Variants in GHR observed in about 807,000 individuals in gnomAD.
The protein encoded by GHR is GH receptor.
GHR carries 35 observed loss-of-function variants against 67.1 expected under a neutral mutation model. The ratio of observed to expected loss-of-function variants is 0.52; its 90% CI spans 0.40 to 0.69. The LOEUF (loss-of-function observed/expected upper bound fraction) is 0.69, where lower values mean the gene tolerates loss of function less well. Ranked by LOEUF, GHR falls within the 30% of genes least tolerant of loss-of-function variation. The pLI is 0.00. For synonymous variants in GHR, 272 were observed against 269.1 expected (o/e 1.01, Z -0.10); for missense variants, 792 against 764.6 (o/e 1.04, Z -0.42).
At chr5:42,435,183 G>A (rs1417467514) in intron 1 of GHR, among the ~76,000 whole-genome samples, 2 of 151,468 alleles carry the variant, frequency 1.3e-5, no homozygotes, top group Non-Finnish European at 1.5e-5. Flanking sequence ...CCCAAACAAC[G>A]AAACTAGGGC....
intron 1 of GHR, chr5:42,467,586 A>G (rs1432403858): frequency 6.3e-6 from 10 of 1,593,128 alleles, no homozygotes; most frequent in Non-Finnish European, 8.6e-6. Flanking sequence ...TTTGATATAC[A>G]GTCAGATTTG....
chr5:42,636,980 T>C (rs995161390), intron 3 of GHR, among the ~76,000 whole-genome samples: 11 of 152,214 alleles, frequency 7.2e-5, no homozygotes, highest in Non-Finnish European at 1.2e-4. Flanking sequence ...TATAGTATGA[T>C]TTATAGGAAA....
At chr5:42,645,507 A>G (rs544568135) in intron 3 of GHR, among the ~76,000 whole-genome samples, 17 of 152,344 alleles carry the variant, frequency 1.1e-4, no homozygotes, top group Middle Eastern at 3.4e-3. Context: ...GAGAGAGAGG[A>G]AAGAACCAGT....
At chr5:42,620,346 A>G (rs1284225730) in intron 2 of GHR, among the ~76,000 whole-genome samples, 1 of 152,158 alleles carries the variant, frequency 6.6e-6, no homozygotes, top group Non-Finnish European at 1.5e-5. Context: ...ATATGTATTG[A>G]GCACTCCCTA....
At position 42,633,402 on chromosome 5, in the gene GHR, T is replaced by C. The variant is rs374964166; in HGVS notation, c.136+4299T>C. Among the ~76,000 whole-genome samples the C allele has an allele frequency of 2.4e-4, 37 of 152,348 alleles. No individual in the cohort carries two copies. The South Asian group carries it at 7.3e-3, about 30-fold the overall frequency. On this transcript the variant is annotated intron_variant, in intron 3 of 9. Transcript: ENST00000230882. The stretch of plus-strand genomic sequence containing the variant: ...ATATTAGATAGGCAAGCAAATGAAT[T>C]GCTTGAATGCTAGAAGTTCACAAAC...
At chr5:42,504,538 A>G (rs924418714) in intron 1 of GHR, among the ~76,000 whole-genome samples, 2 of 152,140 alleles carry the variant, frequency 1.3e-5, no homozygotes, top group Admixed American at 6.5e-5. Context: ...AGGTGGGTAG[A>G]TCACGAGGTC....
intron 3 of GHR, among the ~76,000 whole-genome samples, chr5:42,632,755 T>G (rs997728432): frequency 2.6e-5 from 4 of 152,162 alleles, no homozygotes; most frequent in African/African-American, 9.7e-5. Context: ...AGGGTAAATA[T>G]GGGCAAAAAC....
At chr5:42,543,587 T>C (rs937865269) in intron 1 of GHR, among the ~76,000 whole-genome samples, 5 of 152,172 alleles carry the variant, frequency 3.3e-5, no homozygotes, top group Admixed American at 6.5e-5. Flanking sequence ...ATAAAAATCT[T>C]CCACCAGTCC....
intron 2 of GHR, among the ~76,000 whole-genome samples, chr5:42,616,677 GAAA>G (rs11333795): frequency 2.1e-5 from 3 of 141,242 alleles, no homozygotes; most frequent in African/African-American, 2.5e-5. Context: ...CTTTGCAGGG[GAAA>G]AAAAAAAAAA....
chr5:42,658,301 T>C (rs1179897289), intron 3 of GHR, among the ~76,000 whole-genome samples: 1 of 152,210 alleles, frequency 6.6e-6, no homozygotes, highest in African/African-American at 2.4e-5. Context: ...GGGAAAAATC[T>C]GGATTCACAT....
At chr5:42,470,068 AAAT>A (rs1561322421) in intron 1 of GHR, among the ~76,000 whole-genome samples, 1 of 145,106 alleles carries the variant, frequency 6.9e-6, no homozygotes, top group South Asian at 2.1e-4. Context: ...ATGTGTGTAT[AAAT>A]AATATGTAAA....
intron 3 of GHR, among the ~76,000 whole-genome samples, chr5:42,683,783 C>G (rs1661794685): frequency 6.6e-6 from 1 of 152,186 alleles, no homozygotes; most frequent in African/African-American, 2.4e-5. Flanking sequence ...TATCGGAGTT[C>G]CATGTGCAGA....
intron 2 of GHR, among the ~76,000 whole-genome samples, chr5:42,590,141 G>A (rs918422130): frequency 1.3e-5 from 2 of 152,202 alleles, no homozygotes; most frequent in Admixed American, 6.5e-5. Flanking sequence ...TAAGTGAGAA[G>A]TAATTGCTCT....
chr5:42,436,533 A>G (rs1743336368), intron 1 of GHR, among the ~76,000 whole-genome samples: 1 of 152,188 alleles, frequency 6.6e-6, no homozygotes, highest in South Asian at 2.1e-4. Context: ...TATCCACATA[A>G]ATTGACCACA....
intron 1 of GHR, among the ~76,000 whole-genome samples, chr5:42,459,875 C>T (rs995092691): frequency 7.2e-5 from 11 of 152,118 alleles, no homozygotes; most frequent in African/African-American, 2.7e-4. Flanking sequence ...CAGCCTGGGG[C>T]TTTAGACACC....
chr5:42,681,034 T>A (rs557311173), intron 3 of GHR, among the ~76,000 whole-genome samples: 7 of 151,948 alleles, frequency 4.6e-5, no homozygotes, highest in Non-Finnish European at 1.0e-4. Flanking sequence ...GCAATACCAT[T>A]CAGGAAATAG....
At chr5:42,565,372 T>A (rs1749866463) in intron 1 of GHR, 1 of 774,462 alleles carries the variant, frequency 1.3e-6, no homozygotes, top group Non-Finnish European at 1.6e-6. Flanking sequence ...TAGCAACTCG[T>A]TTTGAGTGGT....
chr5:42,524,909 C>A (rs1407075481), intron 1 of GHR, among the ~76,000 whole-genome samples: 1 of 152,226 alleles, frequency 6.6e-6, no homozygotes, highest in African/African-American at 2.4e-5. Context: ...GCACAAAAGT[C>A]AAGAACTGAG....
chr5:42,443,022 T>C (rs1025965389), intron 1 of GHR, among the ~76,000 whole-genome samples: 2 of 152,192 alleles, frequency 1.3e-5, no homozygotes, highest in Admixed American at 6.5e-5. Flanking sequence ...ATTAGAAGCA[T>C]GGTGAATTTG....
Sources: gnomAD v4.1 joint callset for allele counts (sites outside exome capture counted in the v4.1 genomes callset) on GRCh38, gnomAD v4.1.1 for gene constraint, MANE v1.5 for transcripts, NCBI Gene and HGNC (gene_info 2026-07-23, HGNC 2026-07-21) for gene names.